Variants in SASH1 observed in about 807,000 individuals in gnomAD.
The protein encoded by SASH1 is SAM and SH3 domain-containing protein 1.
SASH1 carries 44 observed loss-of-function variants against 125.2 expected under a neutral mutation model. That is an observed-to-expected ratio of 0.35 (90% CI 0.28 to 0.45). The LOEUF is 0.45. Ranked by LOEUF, SASH1 falls within the 20% of genes least tolerant of loss-of-function variation. The pLI is 1.00. For synonymous variants in SASH1, 639 were observed against 649.1 expected (o/e 0.98, Z 0.24); for missense variants, 1,426 against 1,614.5 (o/e 0.88, Z 2.00).
At chr6:148,531,825 G>A (rs1032822613) in intron 13 of SASH1, among the ~76,000 whole-genome samples, 164 bp downstream of exon 13, 7 of 147,104 alleles carry the variant, frequency 4.8e-5, no homozygotes, top group South Asian at 2.3e-4. Context: ...AGTCGTGTTT[G>A]TTTATTAGTA....
intron 8 of SASH1, among the ~76,000 whole-genome samples, chr6:148,503,506 A>T (rs1224032612): frequency 6.6e-6 from 1 of 152,234 alleles, no homozygotes; most frequent in Non-Finnish European, 1.5e-5. Flanking sequence ...ATTTCTTGAC[A>T]TGCGAAAATA....
chr6:148,271,750 C>A (rs191679286), upstream of SASH1, among the ~76,000 whole-genome samples: 309 of 152,272 alleles, frequency 2.0e-3, 1 homozygote, highest in Admixed American at 0.018. Context: ...TTGATGAACA[C>A]TAATCCTAGA....
At chr6:148,241,081 A>G in the SASH1 span, among the ~76,000 whole-genome samples, 1 of 151,602 alleles carries the variant, frequency 6.6e-6, no homozygotes, top group Non-Finnish European at 1.5e-5. Flanking sequence ...AAATATTTAA[A>G]GGCCATCAAG....
chr6:148,318,447 G>A (rs995597611), intron 1 of SASH1, among the ~76,000 whole-genome samples: 2 of 151,754 alleles, frequency 1.3e-5, no homozygotes, highest in Admixed American at 1.3e-4. Flanking sequence ...TCATTTATTT[G>A]TTTGTTCAAA....
At chr6:148,233,107 G>A in the SASH1 span, among the ~76,000 whole-genome samples, 7 of 151,858 alleles carry the variant, frequency 4.6e-5, no homozygotes, top group Admixed American at 2.0e-4. Context: ...CCAGATACTC[G>A]GGAGGCTGAG....
the SASH1 span, among the ~76,000 whole-genome samples, chr6:148,264,176 C>CA: frequency 0.032 from 1,692 of 52,088 alleles, 78 homozygotes; most frequent in African/African-American, 0.035. Context: ...TTATTTTGAC[C>CA]GAAAAAAAAA....
Position 148,546,022 on chromosome 6 carries a change from G to A in SASH1, c.3356G>A (p.Arg1119His), listed in dbSNP as rs777482229. Residue 1119 changes from arginine to histidine, a missense_variant, in exon 19 of 20, where the codon CGC becomes CAC. Physicochemically the swap from Arg to His is conservative, Grantham distance 29. Transcript: ENST00000367467. ...TCCTGTTCTCCCTGGCAGCATGGCC[G>A]CTGTGGGATTCCTGAAGCCCTGGTG... ...TEEPYSDKHG[R>H]CGIPEALVQR... 2.4e-5 allele frequency: 38 copies of A among 1,613,128 alleles called. No individual in the cohort carries two copies. The highest frequency in any genetic ancestry group is 6.7e-5 in the Admixed American group (4 of 59,700).
the SASH1 span, among the ~76,000 whole-genome samples, chr6:148,252,927 C>G: frequency 6.6e-6 from 1 of 152,190 alleles, no homozygotes; most frequent in Non-Finnish European, 1.5e-5. Context: ...TCACAAGATC[C>G]AGCTCTAGGA....
At chr6:148,324,134 A>AC (rs1278549066) in intron 1 of SASH1, among the ~76,000 whole-genome samples, 4 of 150,342 alleles carry the variant, frequency 2.7e-5, no homozygotes, top group African/African-American at 9.8e-5. Context: ...AAAAAAAAAA[A>AC]AACAAGCATA....
At chr6:148,296,159 T>G (rs1326943573) in intron 1 of SASH1, among the ~76,000 whole-genome samples, 1 of 152,172 alleles carries the variant, frequency 6.6e-6, no homozygotes, top group African/African-American at 2.4e-5. Context: ...AGAGTCTCAC[T>G]CTGTTACCCA....
chr6:148,271,410 T>C (rs897729607), upstream of SASH1, among the ~76,000 whole-genome samples: 2 of 152,234 alleles, frequency 1.3e-5, no homozygotes, highest in African/African-American at 4.8e-5. Context: ...GTTTTCCAAA[T>C]ATATGTATTT....
At chr6:148,362,072 C>A (rs1287359660) in intron 1 of SASH1, among the ~76,000 whole-genome samples, 1 of 151,048 alleles carries the variant, frequency 6.6e-6, no homozygotes, top group African/African-American at 2.4e-5. Context: ...CACAACCACG[C>A]CCAGCTATTT....
At chr6:148,526,209 G>A (rs1781150033) in intron 11 of SASH1, among the ~76,000 whole-genome samples, 1 of 151,846 alleles carries the variant, frequency 6.6e-6, no homozygotes, top group African/African-American at 2.4e-5. Flanking sequence ...GATTACAGGT[G>A]CACGCCACCA....
chr6:148,437,621 A>G (rs1157658407), intron 2 of SASH1, among the ~76,000 whole-genome samples: 1 of 152,238 alleles, frequency 6.6e-6, no homozygotes, highest in African/African-American at 2.4e-5. Flanking sequence ...AGGCTGAGGA[A>G]TGGCTTGAGC....
the SASH1 span, among the ~76,000 whole-genome samples, chr6:148,195,730 G>A: frequency 0.011 from 1,630 of 152,236 alleles, 25 homozygotes; most frequent in African/African-American, 0.037. Flanking sequence ...TCTCTTACGC[G>A]CCTTTTAGTC....
chr6:148,432,263 C>T (rs1776093274), intron 2 of SASH1, among the ~76,000 whole-genome samples: 1 of 152,162 alleles, frequency 6.6e-6, no homozygotes, highest in African/African-American at 2.4e-5. Flanking sequence ...GCGTGAGCCC[C>T]CACGCCTGAG....
intron 1 of SASH1, among the ~76,000 whole-genome samples, chr6:148,328,337 G>A (rs903613784): frequency 6.6e-6 from 1 of 152,128 alleles, no homozygotes; most frequent in African/African-American, 2.4e-5. Context: ...GGTGGCTCAC[G>A]CCTGTAATCC....
chr6:148,362,534 A>T (rs1782276728), intron 1 of SASH1, among the ~76,000 whole-genome samples: 1 of 148,922 alleles, frequency 6.7e-6, no homozygotes, highest in Admixed American at 6.7e-5. Flanking sequence ...CCTGCTTGCC[A>T]TTTTTACTAT....
chr6:148,317,392 T>A (rs1780507290), intron 1 of SASH1, among the ~76,000 whole-genome samples: 2 of 152,218 alleles, frequency 1.3e-5, no homozygotes, highest in Non-Finnish European at 2.9e-5. Flanking sequence ...TTGTTATTAT[T>A]TAGGAGGTTT....
Sources: allele counts gnomAD v4.1 joint callset (sites outside exome capture counted in the v4.1 genomes callset), GRCh38; gene constraint gnomAD v4.1.1; transcripts MANE v1.5; gene names NCBI Gene and HGNC (gene_info 2026-07-23, HGNC 2026-07-21).